MPPED2: variants seen among roughly 807,000 people sequenced by gnomAD.
MPPED2 encodes metallophosphoesterase domain containing 2.
In MPPED2, 5 loss-of-function variants were observed where a neutral mutation model predicts 33.0. The observed-to-expected ratio is 0.15, with a 90% CI of 0.08 to 0.32. MPPED2 has a LOEUF of 0.32. Ranked by LOEUF, MPPED2 falls within the 10% of genes least tolerant of loss-of-function variation. The pLI is 1.00. For missense variants in MPPED2, 275 were observed against 372.1 expected, an observed-to-expected ratio of 0.74 and a Z score of 2.15; for synonymous variants, 136 against 141.9, an observed-to-expected ratio of 0.96 and a Z score of 0.29.
intron 2 of MPPED2, among the ~76,000 whole-genome samples, chr11:30,570,814 A>T (rs142424844): frequency 6.6e-6 from 1 of 152,346 alleles, no homozygotes; most frequent in African/African-American, 2.4e-5. Flanking sequence ...CCTTGGCCCA[A>T]ATACCTAAAG....
intron 4 of MPPED2, among the ~76,000 whole-genome samples, chr11:30,438,916 A>G (rs1324972018): frequency 6.6e-6 from 1 of 152,226 alleles, no homozygotes; most frequent in Admixed American, 6.5e-5. Flanking sequence ...CAGAGATACC[A>G]TCTTCCCCTT....
intron 3 of MPPED2, among the ~76,000 whole-genome samples, chr11:30,497,660 G>A (rs1295258421): frequency 6.6e-6 from 1 of 151,264 alleles, no homozygotes; most frequent in Non-Finnish European, 1.5e-5. Context: ...TAGCCACTAT[G>A]GCAAAGGAAG....
At chr11:30,548,700 G>C (rs1275288086) in intron 2 of MPPED2, among the ~76,000 whole-genome samples, 1 of 152,182 alleles carries the variant, frequency 6.6e-6, no homozygotes, top group Non-Finnish European at 1.5e-5. Context: ...AGGTCACCAA[G>C]CAAAGAACTG....
intron 4 of MPPED2, among the ~76,000 whole-genome samples, chr11:30,456,556 GTGTGTGTGTC>G (rs1950287119): frequency 6.6e-6 from 1 of 152,082 alleles, no homozygotes; most frequent in African/African-American, 2.4e-5. Flanking sequence ...GTGTGCGTGT[GTGTGTGTGTC>G]TGTGTGTGTG....
chr11:30,536,509 A>C (rs538745), intron 2 of MPPED2, among the ~76,000 whole-genome samples: 21,073 of 152,162 alleles, frequency 0.14, 2,542 homozygotes, highest in African/African-American at 0.32. Flanking sequence ...GGGAAGCAAA[A>C]TTATGCTATT....
At chr11:30,448,933 C>T (rs1039885493) in intron 4 of MPPED2, among the ~76,000 whole-genome samples, 5 of 151,432 alleles carry the variant, frequency 3.3e-5, no homozygotes, top group East Asian at 2.0e-4. Flanking sequence ...GGATTACAGG[C>T]GTGAGCCACC....
intron 3 of MPPED2, among the ~76,000 whole-genome samples, chr11:30,518,752 A>G (rs547180469): frequency 3.3e-5 from 5 of 152,216 alleles, no homozygotes; most frequent in African/African-American, 1.2e-4. Flanking sequence ...TAACTGGACT[A>G]GGAGCTGCGT....
chr11:30,533,189 G>A (rs1280933791), intron 3 of MPPED2, among the ~76,000 whole-genome samples: 1 of 152,114 alleles, frequency 6.6e-6, no homozygotes, highest in African/African-American at 2.4e-5. Flanking sequence ...GTACTTGGGT[G>A]GATACTCAGC....
intron 4 of MPPED2, among the ~76,000 whole-genome samples, chr11:30,457,174 A>G (rs192399855): frequency 1.3e-5 from 2 of 152,292 alleles, no homozygotes; most frequent in African/African-American, 4.8e-5. Flanking sequence ...ATGCACATCC[A>G]GCAATGTTCC....
At chr11:30,386,902 A>T in exon 7 of MPPED2, 1 of 396,764 alleles carries the variant, frequency 2.5e-6, no homozygotes, top group African/African-American at 2.1e-5. Context: ...GCATCTGCCA[A>T]ATGTTGGGCA....
intron 4 of MPPED2, among the ~76,000 whole-genome samples, chr11:30,489,971 C>T (rs527316961): frequency 7.2e-5 from 11 of 151,860 alleles, no homozygotes; most frequent in African/African-American, 1.9e-4. Context: ...CCTAGTCCCA[C>T]GAGTAAGTTT....
chr11:30,431,155 C>T (rs939225425), intron 4 of MPPED2, among the ~76,000 whole-genome samples: 2 of 152,022 alleles, frequency 1.3e-5, no homozygotes, highest in African/African-American at 2.4e-5. Context: ...TTTTTTGCAG[C>T]GGGTTGGGGG....
chr11:30,543,337 T>A (rs2134552506), intron 2 of MPPED2, among the ~76,000 whole-genome samples: 1 of 152,322 alleles, frequency 6.6e-6, no homozygotes, highest in East Asian at 1.9e-4. Context: ...GCTTTTGTGT[T>A]CTTACTACAT....
intron 4 of MPPED2, among the ~76,000 whole-genome samples, chr11:30,466,901 C>A (rs1950731912): frequency 6.6e-6 from 1 of 152,068 alleles, no homozygotes; most frequent in Non-Finnish European, 1.5e-5. Context: ...ATACATATGC[C>A]TATTTGAACA....
At chr11:30,445,773 A>G (rs1258594717) in intron 4 of MPPED2, among the ~76,000 whole-genome samples, 1 of 152,180 alleles carries the variant, frequency 6.6e-6, no homozygotes, top group Non-Finnish European at 1.5e-5. Flanking sequence ...ATGTAGTAGT[A>G]TGTGTTAGGA....
intron 2 of MPPED2, among the ~76,000 whole-genome samples, chr11:30,540,588 T>A (rs149321579): frequency 6.6e-6 from 1 of 152,202 alleles, no homozygotes; most frequent in Non-Finnish European, 1.5e-5. Context: ...TTAACTTCTA[T>A]GACCTCCATC....
At chr11:30,436,354 G>T (rs905680075) in intron 4 of MPPED2, among the ~76,000 whole-genome samples, 3 of 152,146 alleles carry the variant, frequency 2.0e-5, no homozygotes, top group South Asian at 2.1e-4. Context: ...CCAAGGTTCT[G>T]TGGCTATAGG....
intron 3 of MPPED2, among the ~76,000 whole-genome samples, chr11:30,519,769 A>G (rs1257818630): frequency 1.3e-5 from 2 of 152,094 alleles, no homozygotes; most frequent in East Asian, 3.9e-4. Flanking sequence ...TATTATTACT[A>G]TTACTACCAC....
intron 2 of MPPED2, among the ~76,000 whole-genome samples, chr11:30,577,939 C>T (rs1268691528): frequency 6.6e-6 from 1 of 152,078 alleles, no homozygotes; most frequent in Non-Finnish European, 1.5e-5. Context: ...GAAGAACAAG[C>T]CTTTCTTTAA....
Sources: allele counts gnomAD v4.1 joint callset (sites outside exome capture counted in the v4.1 genomes callset), GRCh38; gene constraint gnomAD v4.1.1; transcripts MANE v1.5; gene names NCBI Gene and HGNC (gene_info 2026-07-23, HGNC 2026-07-21).